Variants in CFAP20DC observed in about 807,000 individuals in gnomAD.
The protein encoded by CFAP20DC is CFAP20 domain containing.
In CFAP20DC, 84 loss-of-function variants were observed where a neutral mutation model predicts 101.7. That is an observed-to-expected ratio of 0.83 (90% CI 0.69 to 0.99). The LOEUF (loss-of-function observed/expected upper bound fraction) is 0.99, where lower values mean the gene tolerates loss of function less well. Ranked by LOEUF, CFAP20DC falls within the 50% of genes least tolerant of loss-of-function variation. The pLI, the probability that CFAP20DC is intolerant of heterozygous loss-of-function variation, is 0.00. For synonymous variants in CFAP20DC, 359 were observed against 351.2 expected, an observed-to-expected ratio of 1.02 and a Z score of -0.25; for missense variants, 1,007 against 970.3, an observed-to-expected ratio of 1.04 and a Z score of -0.50.
intron 13 of CFAP20DC, among the ~76,000 whole-genome samples, chr3:58,839,149 G>A (rs1241737912): frequency 6.6e-6 from 1 of 152,214 alleles, no homozygotes; most frequent in African/African-American, 2.4e-5. Context: ...ACATTTGTGT[G>A]TGCTTTTGCA....
intron 10 of CFAP20DC, 126 bp downstream of exon 10, chr3:58,867,691 G>C: frequency 1.7e-6 from 2 of 1,171,394 alleles, no homozygotes; most frequent in Non-Finnish European, 2.4e-6. Flanking sequence ...CATAATCCTT[G>C]TAGAACAGAC....
At chr3:58,848,869 A>T (rs771266054) in intron 13 of CFAP20DC, among the ~76,000 whole-genome samples, 163 bp downstream of exon 13, 4 of 152,188 alleles carry the variant, frequency 2.6e-5, no homozygotes, top group Non-Finnish European at 5.9e-5. Flanking sequence ...AGACTCTTTA[A>T]CAGCTGCTAT....
chr3:59,013,786 C>T (rs2093635274), intron 4 of CFAP20DC, among the ~76,000 whole-genome samples: 2 of 152,218 alleles, frequency 1.3e-5, no homozygotes, highest in South Asian at 4.1e-4. Flanking sequence ...TAACAATTGG[C>T]TACCATATTT....
At position 58,877,595 on chromosome 3, in the gene CFAP20DC, G is replaced by A. The variant is rs141462944; in HGVS notation, c.715+6950C>T. On this transcript the variant is annotated intron_variant, in intron 7 of 16. Coordinates refer to ENST00000482387, the MANE Select transcript of CFAP20DC (RefSeq NM_001394063.1). ...TTAGAGATCTGTCCATGCTCTGAGCGGGGGCTCAGAAGCCAAGCACCCCAA... is the reference window on the plus strand; with the variant it reads ...TTAGAGATCTGTCCATGCTCTGAGCAGGGGCTCAGAAGCCAAGCACCCCAA... Among the ~76,000 whole-genome samples, 4 of 152,264 alleles carry A rather than the reference G, an allele frequency of 2.6e-5. No homozygotes were observed. The East Asian group carries it at 7.7e-4, about 29-fold the overall frequency.
chr3:58,773,453 G>T (rs948499863), intron 15 of CFAP20DC, among the ~76,000 whole-genome samples: 1 of 151,902 alleles, frequency 6.6e-6, no homozygotes, highest in African/African-American at 2.4e-5. Context: ...CTACTTGGGG[G>T]GCTGAAGTGG....
rs185235866 is a variant in CFAP20DC, at chr3:58,894,110, G to A, written c.551-9401C>T. On this transcript the variant is annotated intron_variant, in intron 6 of 16. Coordinates refer to ENST00000482387, the MANE Select transcript of CFAP20DC (RefSeq NM_001394063.1). The surrounding 1 kb of genome is among the most constrained non-coding windows in gnomAD (Gnocchi z 4.1). ...TCCTACTGAGTCCCTCCCACAACAC[G>A]TGGGAATTCAAGATGAGACTTGGGT... Among the ~76,000 whole-genome samples, 10 of 152,176 alleles carry A rather than the reference G, an allele frequency of 6.6e-5. No individual in the cohort carries two copies. Among genetic ancestry groups the A allele is most frequent in the Non-Finnish European group, 7.4e-5 (5 of 67,990 alleles).
chr3:58,953,274 C>A (rs576532390), intron 4 of CFAP20DC, among the ~76,000 whole-genome samples: 8 of 152,138 alleles, frequency 5.3e-5, no homozygotes, highest in Non-Finnish European at 1.0e-4. Context: ...TAATCCAACA[C>A]ATTTATTAAG....
At chr3:58,798,809 G>A (rs1173334090) in intron 15 of CFAP20DC, among the ~76,000 whole-genome samples, 1 of 152,188 alleles carries the variant, frequency 6.6e-6, no homozygotes, top group East Asian at 1.9e-4. Context: ...ATCCAGACAA[G>A]ACCCTCCACC....
chr3:59,028,796 G>A (rs1445031939), intron 4 of CFAP20DC, among the ~76,000 whole-genome samples: 5 of 152,172 alleles, frequency 3.3e-5, no homozygotes, highest in African/African-American at 1.2e-4. Context: ...TTAGAACAAT[G>A]CTGATGTCAT....
chr3:59,007,202 G>T lies in CFAP20DC; in HGVS notation c.278+32355C>A, dbSNP rs1331520291. 6.6e-6 allele frequency among the ~76,000 whole-genome samples: 1 copy of T among 152,076 alleles called. No individual in the cohort carries two copies. Among genetic ancestry groups the T allele is most frequent in the African/African-American group, 2.4e-5 (1 of 41,386 alleles). The stretch of plus-strand genomic sequence containing the variant: ...CTGTGGCAAGCCCCGCCCCAGGAGA[G>T]TCTGAGCTCATACTCACCTAATCCT... On this transcript the variant is annotated intron_variant, in intron 4 of 16. Coordinates refer to ENST00000482387, the MANE Select transcript of CFAP20DC (RefSeq NM_001394063.1). This position sits in a 1 kb window ranked among gnomAD's most constrained non-coding sequence, Gnocchi z 4.4.
chr3:58,830,243 G>T (rs1167718616), intron 14 of CFAP20DC, among the ~76,000 whole-genome samples: 1 of 152,152 alleles, frequency 6.6e-6, no homozygotes, highest in African/African-American at 2.4e-5. Flanking sequence ...TCTCCATGAA[G>T]ACTTGTGTAA....
chr3:58,767,138 G>C (rs60109906), intron 15 of CFAP20DC, among the ~76,000 whole-genome samples: 12,548 of 152,192 alleles, frequency 0.082, 838 homozygotes, highest in East Asian at 0.35. Flanking sequence ...TTGAAATAGT[G>C]TCTTTCTTAG....
chr3:59,018,555 C>A (rs139920928), intron 4 of CFAP20DC: 2 of 152,192 alleles, frequency 1.3e-5, no homozygotes, highest in African/African-American at 2.4e-5. Context: ...ACCAAAGATG[C>A]ATAACATGAA....
At chr3:58,840,185 A>G (rs2077004545) in intron 13 of CFAP20DC, among the ~76,000 whole-genome samples, 1 of 152,234 alleles carries the variant, frequency 6.6e-6, no homozygotes, top group Admixed American at 6.5e-5. Context: ...GCATTGACAG[A>G]TAAAACTGAG....
intron 3 of CFAP20DC, among the ~76,000 whole-genome samples, chr3:59,042,297 G>A (rs1402671034): frequency 2.6e-5 from 4 of 152,016 alleles, no homozygotes; most frequent in Non-Finnish European, 1.5e-5. Context: ...GCAGGAGACG[G>A]GTTTGGCAAA....
chr3:58,834,627 TGACTAGGA>T (rs2076615210), intron 13 of CFAP20DC, among the ~76,000 whole-genome samples: 1 of 152,126 alleles, frequency 6.6e-6, no homozygotes, highest in South Asian at 2.1e-4. Context: ...CAGCTTTAAA[TGACTAGGA>T]AAATTACCTA....
At chr3:59,040,441 C>A (rs1354668730) in intron 3 of CFAP20DC, among the ~76,000 whole-genome samples, 1 of 151,932 alleles carries the variant, frequency 6.6e-6, no homozygotes, top group Non-Finnish European at 1.5e-5. Context: ...GTGCTCTTAA[C>A]AGATGTTTTT....
chr3:58,759,307 CAT>C (rs1397289377), intron 15 of CFAP20DC, among the ~76,000 whole-genome samples: 3 of 152,184 alleles, frequency 2.0e-5, no homozygotes, highest in African/African-American at 4.8e-5. Flanking sequence ...AGCATTTTTT[CAT>C]ATGTCTTTTG....
chr3:58,761,182 G>T (rs1490471246), intron 15 of CFAP20DC, among the ~76,000 whole-genome samples: 1 of 152,096 alleles, frequency 6.6e-6, no homozygotes, highest in Admixed American at 6.6e-5. Context: ...TTTTTGGTTG[G>T]TAAGCTATTA....
Sources: gnomAD v4.1 joint callset for allele counts (sites outside exome capture counted in the v4.1 genomes callset) on GRCh38, gnomAD v4.1.1 for gene constraint, Gnocchi (gnomAD v3.1) non-coding constraint, MANE v1.5 for transcripts, NCBI Gene and HGNC (gene_info 2026-07-23, HGNC 2026-07-21) for gene names.